The following FMN2 variants were observed in gnomAD, a reference collection of about 807,000 sequenced individuals.
FMN2 encodes the protein formin-2.
In FMN2, 51 loss-of-function variants were observed where a neutral mutation model predicts 142.3. The observed-to-expected ratio is 0.36, with a 90% CI of 0.29 to 0.45. FMN2 has a LOEUF of 0.45. FMN2 is among the 20% of genes least tolerant of loss of function. The pLI, the probability that FMN2 is intolerant of heterozygous loss-of-function variation, is 1.00. For synonymous variants in FMN2, 882 were observed against 869.8 expected (o/e 1.01, Z -0.25); for missense variants, 1,936 against 2,122.8 (o/e 0.91, Z 1.73).
At chr1:240,272,325 A>G (rs1385838818) in intron 7 of FMN2, among the ~76,000 whole-genome samples, 1 of 152,130 alleles carries the variant, frequency 6.6e-6, no homozygotes, top group Non-Finnish European at 1.5e-5. Flanking sequence ...AATTAATCAC[A>G]TCAACTTTGA....
At chr1:240,382,981 TAAAC>T (rs1360057342) in intron 14 of FMN2, among the ~76,000 whole-genome samples, 3 of 151,986 alleles carry the variant, frequency 2.0e-5, no homozygotes, top group Admixed American at 2.0e-4. Flanking sequence ...CAACCAATCT[TAAAC>T]AAAGCTGACA....
chr1:240,240,789 C>T (rs1667870375), intron 6 of FMN2, among the ~76,000 whole-genome samples: 1 of 152,194 alleles, frequency 6.6e-6, no homozygotes, highest in African/African-American at 2.4e-5. Context: ...AAATATAGCT[C>T]AGCAGACTTG....
chr1:240,349,325 G>T (rs1254355800), intron 13 of FMN2, among the ~76,000 whole-genome samples: 1 of 152,198 alleles, frequency 6.6e-6, no homozygotes, highest in Non-Finnish European at 1.5e-5. Flanking sequence ...TCTGATTACA[G>T]TTATTTCTTT....
At chr1:240,365,559 T>C (rs562354756) in intron 14 of FMN2, among the ~76,000 whole-genome samples, 2 of 152,330 alleles carry the variant, frequency 1.3e-5, no homozygotes, top group South Asian at 2.1e-4. Context: ...ATTTTATTAT[T>C]CATACACTAT....
At chr1:240,216,644 C>T (rs1489543978) in intron 6 of FMN2, among the ~76,000 whole-genome samples, 2 of 152,202 alleles carry the variant, frequency 1.3e-5, no homozygotes, top group South Asian at 4.1e-4. Flanking sequence ...CAGATACTAA[C>T]TTTAAGGATT....
intron 4 of FMN2, among the ~76,000 whole-genome samples, chr1:240,201,431 G>C (rs1666116895): frequency 6.6e-6 from 1 of 152,152 alleles, no homozygotes; most frequent in South Asian, 2.1e-4. Context: ...GCACCTCGTG[G>C]AGTTAGCTAA....
At chr1:240,428,457 C>T (rs1214584054) in intron 15 of FMN2, among the ~76,000 whole-genome samples, 1 of 151,740 alleles carries the variant, frequency 6.6e-6, no homozygotes. Context: ...AAACTCCTGG[C>T]TTGAAGTGAT....
chr1:240,121,580 G>A (rs1258331683), intron 1 of FMN2, among the ~76,000 whole-genome samples: 1 of 149,932 alleles, frequency 6.7e-6, no homozygotes, highest in African/African-American at 2.4e-5. Context: ...TAGTAGAGAC[G>A]GGGTTTCACC....
intron 15 of FMN2, among the ~76,000 whole-genome samples, chr1:240,428,312 A>G (rs1254103913): frequency 6.6e-6 from 1 of 151,768 alleles, no homozygotes; most frequent in African/African-American, 2.4e-5. Flanking sequence ...GCTTACTGCA[A>G]CCTTAACCCC....
At chr1:240,435,329 T>C (rs1438555698) in intron 15 of FMN2, among the ~76,000 whole-genome samples, 1 of 151,862 alleles carries the variant, frequency 6.6e-6, no homozygotes, top group Non-Finnish European at 1.5e-5. Context: ...GAAGAAATTA[T>C]TGAATAATCA....
chr1:240,208,407 C>T lies in FMN2; in HGVS notation c.3595C>T (p.Pro1199Ser), dbSNP rs1471220419. ...PLPGVGIPPP[P>S]PLPGAGIPPP... ...ACCTGGAGTGGGAATACCTCCTCCG[C>T]CCCCTCTACCTGGTGCTGGGATTCC... Residue 1199 changes from proline (P) to serine (S), a missense_variant, in exon 5 of 18, where the codon CCC becomes TCC. Coordinates refer to ENST00000319653, the MANE Select transcript of FMN2 (RefSeq NM_020066.5). 20 of 1,585,908 alleles carry T rather than the reference C, an allele frequency of 1.3e-5. No individual in the cohort carries two copies. The highest frequency in any genetic ancestry group is 2.7e-5 in the African/African-American group (2 of 72,938).
intron 14 of FMN2, among the ~76,000 whole-genome samples, chr1:240,369,871 C>A (rs1423377651): frequency 1.3e-5 from 2 of 152,176 alleles, no homozygotes; most frequent in Non-Finnish European, 2.9e-5. Context: ...ATGTTAGGAT[C>A]ACACATTGGG....
rs1356522383 is a variant in FMN2 at position 240,142,564 on chromosome 1, G to A, written c.1782+19219G>A. The stretch of plus-strand genomic sequence containing the variant: ...ATCTCACTCAGTAACAAAAGAGCAG[G>A]AGGCAACAATTCCCCCGGAAGTCTG... On this transcript the variant is annotated intron_variant, in intron 2 of 17. Transcript: ENST00000319653. 4 of 1,152,628 alleles carry A rather than the reference G, an allele frequency of 3.5e-6. No homozygotes were observed. The East Asian group carries it at 7.1e-5, about 20-fold the overall frequency. The allele number at this position is 1,152,628 out of a possible 1,614,324, so 71.4% of individuals were successfully genotyped here.
intron 15 of FMN2, among the ~76,000 whole-genome samples, chr1:240,422,190 T>C (rs1266792441): frequency 1.3e-5 from 2 of 152,222 alleles, no homozygotes; most frequent in Non-Finnish European, 2.9e-5. Flanking sequence ...ATAGTATCAG[T>C]CCTCCAACAT....
In FMN2 at chr1:240,185,119, CCCCCTTCTCTTTCTCCCTCCTATACCTT is replaced by C. The variant is rs1558345169; in HGVS notation, c.1931-3065_1931-3038del. ...CTTCTCTTTCTCCCTCCTATACCTT[CCCCCTTCTCTTTCTCCCTCCTATACCTT>C]CCCCTTCTCTTTCTCCCTCCTACAC... On this transcript the variant is annotated intron_variant, in intron 3 of 17. Coordinates refer to ENST00000319653, the MANE Select transcript of FMN2 (RefSeq NM_020066.5). 1.9e-3 allele frequency among the ~76,000 whole-genome samples: 33 copies of C among 17,370 alleles called. 1 individual carries two copies. The highest frequency in any genetic ancestry group is 3.5e-3 in the African/African-American group (14 of 3,966). 11.4% of individuals were successfully genotyped at this position (17,370 alleles called of 152,430 possible).
At chr1:240,295,650 C>A (rs1669948829) in intron 8 of FMN2, among the ~76,000 whole-genome samples, 1 of 152,154 alleles carries the variant, frequency 6.6e-6, no homozygotes, top group African/African-American at 2.4e-5. Context: ...ACCACATTTT[C>A]TTTATCCATT....
At chr1:240,451,896 C>T (rs1558114918) in intron 16 of FMN2, among the ~76,000 whole-genome samples, 2 of 151,980 alleles carry the variant, frequency 1.3e-5, no homozygotes, top group South Asian at 2.1e-4. Flanking sequence ...CTAAAGTGGG[C>T]TGCATTTACC....
intron 6 of FMN2, among the ~76,000 whole-genome samples, chr1:240,217,293 G>C (rs1170110355): frequency 1.3e-5 from 2 of 152,182 alleles, no homozygotes; most frequent in African/African-American, 4.8e-5. Flanking sequence ...AGTGCTTGCA[G>C]AGTGACAGAC....
chr1:240,127,907 G>A lies in FMN2; in HGVS notation c.1782+4562G>A, dbSNP rs894849569. Among the ~76,000 whole-genome samples, 13 of 152,170 alleles carry A rather than the reference G, an allele frequency of 8.5e-5. 1 individual carries two copies. In the South Asian group the frequency reaches 2.3e-3, roughly 27 times the overall value. On this transcript the variant is annotated intron_variant, in intron 2 of 17. Coordinates refer to ENST00000319653, the MANE Select transcript of FMN2 (RefSeq NM_020066.5). ...GTTGGGGCAGGACGGTGACAGGGGA[G>A]ATGAAGACCAGTTAGTAGGTTGGGG...
Sources: gnomAD v4.1 joint callset for allele counts (sites outside exome capture counted in the v4.1 genomes callset) on GRCh38, gnomAD v4.1.1 for gene constraint, MANE v1.5 for transcripts, NCBI Gene and HGNC (gene_info 2026-07-23, HGNC 2026-07-21) for gene names.